The following DLG2 variants were observed in gnomAD, a reference collection of about 807,000 sequenced individuals.
DLG2 encodes the protein disks large homolog 2.
DLG2 carries 45 observed loss-of-function variants against 132.5 expected under a neutral mutation model. That is an observed-to-expected ratio of 0.34 (90% confidence interval 0.27 to 0.44). DLG2 has a LOEUF of 0.44. Ranked by LOEUF, DLG2 falls within the 20% of genes least tolerant of loss-of-function variation. The pLI, the probability that DLG2 is intolerant of heterozygous loss-of-function variation, is 1.00. For synonymous variants in DLG2, 424 were observed against 419.6 expected, an observed-to-expected ratio of 1.01 and a Z score of -0.13; for missense variants, 1,045 against 1,196.9, an observed-to-expected ratio of 0.87 and a Z score of 1.87.
chr11:83,675,942 C>G (rs942329690), intron 18 of DLG2, among the ~76,000 whole-genome samples: 2 of 152,134 alleles, frequency 1.3e-5, no homozygotes, highest in East Asian at 1.9e-4. Flanking sequence ...TGTACTAACT[C>G]TAGTAGACAT....
chr11:83,851,604 G>A (rs2059786721), intron 16 of DLG2, among the ~76,000 whole-genome samples: 1 of 146,464 alleles, frequency 6.8e-6, no homozygotes, highest in African/African-American at 2.6e-5. Context: ...TCCAGCCTGA[G>A]CAATAAGAGT....
intron 6 of DLG2, among the ~76,000 whole-genome samples, chr11:85,050,687 A>G (rs1160121756): frequency 6.6e-6 from 1 of 152,172 alleles, no homozygotes; most frequent in Non-Finnish European, 1.5e-5. Flanking sequence ...AAGATATTTA[A>G]TGAACAGAAG....
chr11:83,822,873 T>C (rs868513321), intron 17 of DLG2, among the ~76,000 whole-genome samples: 1 of 152,108 alleles, frequency 6.6e-6, no homozygotes, highest in African/African-American at 2.4e-5. Context: ...GGTATATTCC[T>C]AGAGTAGTTA....
Position 83,707,538 on chromosome 11 carries a change from G to A in DLG2, c.1826-74213C>T, listed in dbSNP as rs140917819. On this transcript the variant is annotated intron_variant, in intron 18 of 27. Coordinates refer to ENST00000376104, the MANE Select transcript of DLG2 (RefSeq NM_001142699.3). ...TACAAAAAATTAGTGGGGCGTTGTGGTGCATGCCTGTACTCCCAGCTACTC... is the reference window on the plus strand; with the variant it reads ...TACAAAAAATTAGTGGGGCGTTGTGATGCATGCCTGTACTCCCAGCTACTC... 3.2e-3 allele frequency among the ~76,000 whole-genome samples: 493 copies of A among 152,220 alleles called. 1 individual carries two copies. The highest frequency in any genetic ancestry group is 0.011 in the African/African-American group (477 of 41,514).
At chr11:83,497,598 C>G (rs2094219440) in intron 21 of DLG2, among the ~76,000 whole-genome samples, 1 of 151,862 alleles carries the variant, frequency 6.6e-6, no homozygotes, top group Non-Finnish European at 1.5e-5. Flanking sequence ...TATTGCATTT[C>G]TCTGCAGTTA....
At chr11:83,914,478 A>G (rs1178745030) in intron 15 of DLG2, among the ~76,000 whole-genome samples, 4 of 152,184 alleles carry the variant, frequency 2.6e-5, no homozygotes, top group Non-Finnish European at 4.4e-5. Context: ...GTTTTTCTAG[A>G]TTCCTCCTAC....
intron 18 of DLG2, among the ~76,000 whole-genome samples, chr11:83,759,472 A>G (rs2093803540): frequency 6.6e-6 from 1 of 152,122 alleles, no homozygotes; most frequent in Non-Finnish European, 1.5e-5. Flanking sequence ...AATTAGCACA[A>G]CTGTGACCTC....
chr11:84,916,348 C>CAAAAAAAAAAAAAA (rs11423369), intron 6 of DLG2, among the ~76,000 whole-genome samples: 10 of 27,948 alleles, frequency 3.6e-4, no homozygotes, highest in African/African-American at 5.3e-4. Context: ...GACTCCGTCT[C>CAAAAAAAAAAAAAA]AAAAAAAAAA....
rs553470173 is a variant in DLG2, at chr11:84,810,112, C to T, written c.358-275381G>A. On this transcript the variant is annotated intron_variant, in intron 6 of 27. Transcript: ENST00000376104. ...TTCATAAAAAGAAAAAACTGATAAA[C>T]TGGATTTAATCAAAATTGAAAACAC... Among the ~76,000 whole-genome samples the T allele has an allele frequency of 3.3e-5, 5 of 151,984 alleles. No homozygotes were observed. In the South Asian group the frequency reaches 1.0e-3, roughly 31 times the overall value.
chr11:85,412,760 C>CACACACACACACACAA (rs756868795), intron 3 of DLG2, among the ~76,000 whole-genome samples: 1 of 113,244 alleles, frequency 8.8e-6, no homozygotes, highest in Non-Finnish European at 1.8e-5. Context: ...CACACACACA[C>CACACACACACACACAA]ATATATATAT....
intron 6 of DLG2, among the ~76,000 whole-genome samples, chr11:84,623,735 T>C (rs1338505951): frequency 6.6e-6 from 1 of 152,176 alleles, no homozygotes; most frequent in Non-Finnish European, 1.5e-5. Flanking sequence ...AAATGCAATG[T>C]TAATGTACCC....
chr11:84,802,365 CCAGCAG>C (rs371131136), intron 6 of DLG2, among the ~76,000 whole-genome samples: 95 of 150,140 alleles, frequency 6.3e-4, no homozygotes, highest in African/African-American at 2.2e-3. Flanking sequence ...ACTCCGGAAC[CCAGCAG>C]CAGCAGCAGC....
intron 9 of DLG2, among the ~76,000 whole-genome samples, chr11:84,141,194 T>A (rs1392291760): frequency 1.3e-5 from 2 of 152,090 alleles, no homozygotes; most frequent in African/African-American, 4.8e-5. Context: ...TCTTTTTTCT[T>A]ATTTATTTTC....
chr11:83,743,802 A>C (rs1185299188), intron 18 of DLG2, among the ~76,000 whole-genome samples: 1 of 152,138 alleles, frequency 6.6e-6, no homozygotes, highest in Non-Finnish European at 1.5e-5. Context: ...AAAAAATAGC[A>C]TGCACCTCAG....
intron 6 of DLG2, among the ~76,000 whole-genome samples, chr11:84,911,686 T>G (rs1160890273): frequency 2.0e-5 from 3 of 152,146 alleles, no homozygotes; most frequent in Admixed American, 2.0e-4. Flanking sequence ...CACAAATATA[T>G]ATAAATCCAA....
At chr11:83,899,100 T>TA (rs2072661242) in intron 15 of DLG2, among the ~76,000 whole-genome samples, 1 of 152,134 alleles carries the variant, frequency 6.6e-6, no homozygotes, top group South Asian at 2.1e-4. Context: ...AATCTTTGGA[T>TA]AAATAAATGT....
chr11:85,423,129 G>C (rs1335330903), intron 3 of DLG2, among the ~76,000 whole-genome samples: 1 of 152,144 alleles, frequency 6.6e-6, no homozygotes, highest in Non-Finnish European at 1.5e-5. Flanking sequence ...TGTCCTACAA[G>C]TTGTTCTCTG....
intron 3 of DLG2, among the ~76,000 whole-genome samples, chr11:85,379,660 G>C (rs2085715301): frequency 1.3e-5 from 2 of 152,256 alleles, no homozygotes; most frequent in Non-Finnish European, 2.9e-5. Context: ...ATTACTTCCA[G>C]GAAATTAGTA....
rs116746743 is a variant in DLG2, at chr11:83,605,376, G to A, written c.1940+27835C>T. Among the ~76,000 whole-genome samples the A allele has an allele frequency of 3.1e-4, 47 of 152,190 alleles. No homozygotes were observed. The Middle Eastern group carries it at 0.01, about 33-fold the overall frequency. On this transcript the variant is annotated intron_variant, in intron 19 of 27. Coordinates refer to ENST00000376104, the MANE Select transcript of DLG2 (RefSeq NM_001142699.3). The stretch of plus-strand genomic sequence containing the variant: ...CCACTCGGCAATGGTATTTAATAAC[G>A]TGGAGAAAAAAACAAAACACGTAAG...
Sources: gnomAD v4.1 joint callset for allele counts (sites outside exome capture counted in the v4.1 genomes callset) on GRCh38, gnomAD v4.1.1 for gene constraint, MANE v1.5 for transcripts, NCBI Gene and HGNC (gene_info 2026-07-23, HGNC 2026-07-21) for gene names.